The following COL5A2 variants were observed in gnomAD, a reference collection of about 807,000 sequenced individuals.
The protein encoded by COL5A2 is collagen type V alpha 2 chain, also known as collagen alpha-2(V) chain.
Under a neutral mutation model 208.2 loss-of-function variants are expected in COL5A2, and 23 were observed. The ratio of observed to expected loss-of-function variants is 0.11; its 90% CI spans 0.08 to 0.16. The LOEUF (loss-of-function observed/expected upper bound fraction) is 0.16. Ranked by LOEUF, COL5A2 falls within the 10% of genes least tolerant of loss-of-function variation. The pLI is 1.00. For missense variants in COL5A2, 1,590 were observed against 1,956.4 expected, an observed-to-expected ratio of 0.81 and a Z score of 3.53; for synonymous variants, 625 against 628.5, an observed-to-expected ratio of 0.99 and a Z score of 0.08.
the COL5A2 span, among the ~76,000 whole-genome samples, chr2:189,246,670 G>C: frequency 6.6e-6 from 1 of 152,210 alleles, no homozygotes; most frequent in Admixed American, 6.5e-5. Context: ...AGATGTGACA[G>C]ACTGCAGTGT....
the COL5A2 span, among the ~76,000 whole-genome samples, chr2:189,375,020 C>CT: frequency 7.4e-3 from 1,064 of 143,888 alleles, 8 homozygotes; most frequent in African/African-American, 0.016. Flanking sequence ...ATTTTTATAT[C>CT]TTTTTTTTTT....
the COL5A2 span, among the ~76,000 whole-genome samples, chr2:189,439,857 G>A: frequency 6.6e-6 from 1 of 152,126 alleles, no homozygotes; most frequent in African/African-American, 2.4e-5. Context: ...TATTTATTTT[G>A]TTTCTTGGCT....
chr2:189,340,201 G>A, the COL5A2 span, among the ~76,000 whole-genome samples: 9 of 152,186 alleles, frequency 5.9e-5, no homozygotes, highest in Admixed American at 2.0e-4. Context: ...CATTCAGTCA[G>A]TGGGGGGCTT....
At chr2:189,189,808 CTTA>C (rs1229435337) in intron 1 of COL5A2, among the ~76,000 whole-genome samples, 1 of 152,142 alleles carries the variant, frequency 6.6e-6, no homozygotes, top group Non-Finnish European at 1.5e-5. Flanking sequence ...CAATTGAAGT[CTTA>C]ATTATATATT....
chr2:189,375,220 T>C, the COL5A2 span, among the ~76,000 whole-genome samples: 3 of 152,152 alleles, frequency 2.0e-5, no homozygotes, highest in African/African-American at 4.8e-5. Context: ...GGTTTCACCA[T>C]GTTGGTCAGG....
intron 53 of COL5A2, among the ~76,000 whole-genome samples, chr2:189,034,547 G>T (rs1685402982): frequency 6.6e-6 from 1 of 152,118 alleles, no homozygotes; most frequent in South Asian, 2.1e-4. Context: ...CAAGCGGGGA[G>T]ACTTACTTAC....
At chr2:189,270,460 T>C in the COL5A2 span, among the ~76,000 whole-genome samples, 1 of 152,156 alleles carries the variant, frequency 6.6e-6, no homozygotes, top group South Asian at 2.1e-4. Context: ...AACGTATTCG[T>C]TTCTGCCTTA....
the COL5A2 span, among the ~76,000 whole-genome samples, chr2:189,338,149 C>T: frequency 8.5e-5 from 13 of 152,282 alleles, no homozygotes; most frequent in South Asian, 1.9e-3. Context: ...GCAACTTTCT[C>T]ATTCGAAAAT....
At chr2:189,381,225 A>AT in the COL5A2 span, among the ~76,000 whole-genome samples, 1 of 152,076 alleles carries the variant, frequency 6.6e-6, no homozygotes, top group Non-Finnish European at 1.5e-5. Flanking sequence ...ACTTTTTACC[A>AT]TTTCTCATCT....
At chr2:189,251,246 G>T in the COL5A2 span, among the ~76,000 whole-genome samples, 2 of 152,112 alleles carry the variant, frequency 1.3e-5, no homozygotes, top group Non-Finnish European at 2.9e-5. Context: ...TGATGAAAAG[G>T]AGAGAGTGCC....
In COL5A2 at chr2:189,139,839, C is replaced by G. The variant is rs191286270; in HGVS notation, c.98-29390G>C. 4.2e-3 allele frequency among the ~76,000 whole-genome samples: 642 copies of G among 152,168 alleles called. 2 individuals are homozygous for G. The highest frequency in any genetic ancestry group is 9.4e-3 in the South Asian group (45 of 4,812). On this transcript the variant is annotated intron_variant, in intron 1 of 53. Coordinates refer to ENST00000374866, the MANE Select transcript of COL5A2 (RefSeq NM_000393.5). ...CCTGTAACCCCAACACTTTGGGAAG[C>G]CAAGGCAGGCAGATCACGAGGTCAG...
chr2:189,051,695 T>C (rs980752033), intron 41 of COL5A2, among the ~76,000 whole-genome samples: 2 of 152,188 alleles, frequency 1.3e-5, no homozygotes, highest in Admixed American at 6.5e-5. Flanking sequence ...TAAATATCAT[T>C]TGCAGTCAAT....
chr2:189,423,183 G>A, the COL5A2 span, among the ~76,000 whole-genome samples: 6 of 151,998 alleles, frequency 3.9e-5, 1 homozygote, highest in Admixed American at 3.9e-4. Context: ...AAAAGCCATG[G>A]AGATGAAAGA....
chr2:189,357,300 C>T, the COL5A2 span, among the ~76,000 whole-genome samples: 2 of 152,182 alleles, frequency 1.3e-5, no homozygotes, highest in African/African-American at 2.4e-5. Flanking sequence ...AGCCGTCAGG[C>T]AGGGACGTTT....
At chr2:189,326,916 C>T in the COL5A2 span, among the ~76,000 whole-genome samples, 1 of 151,592 alleles carries the variant, frequency 6.6e-6, no homozygotes, top group East Asian at 1.9e-4. Context: ...ACTAAAAATA[C>T]AAAAATTAGC....
chr2:189,224,169 T>TAA (rs34660235), intron 1 of COL5A2, among the ~76,000 whole-genome samples: 11 of 149,534 alleles, frequency 7.4e-5, no homozygotes, highest in East Asian at 2.0e-4. Context: ...GGATAAAATC[T>TAA]AAAAAAAAAA....
chr2:189,308,909 G>C, the COL5A2 span, among the ~76,000 whole-genome samples: 417 of 152,286 alleles, frequency 2.7e-3, no homozygotes, highest in African/African-American at 9.5e-3. Context: ...TTTTCAGGAT[G>C]TCCTAGGACT....
chr2:189,325,914 T>G, the COL5A2 span, among the ~76,000 whole-genome samples: 1 of 152,054 alleles, frequency 6.6e-6, no homozygotes, highest in African/African-American at 2.4e-5. Flanking sequence ...CTGGTCAACA[T>G]GGTGAAACCC....
chr2:189,324,706 T>G, the COL5A2 span, among the ~76,000 whole-genome samples: 16 of 152,348 alleles, frequency 1.1e-4, no homozygotes, highest in Non-Finnish European at 1.6e-4. Context: ...GGAACACTTT[T>G]ACACTGTTAG....
Sources: allele counts gnomAD v4.1 joint callset (sites outside exome capture counted in the v4.1 genomes callset), GRCh38; gene constraint gnomAD v4.1.1; transcripts MANE v1.5; gene names NCBI Gene and HGNC (gene_info 2026-07-23, HGNC 2026-07-21).